The following KALRN variants were observed in gnomAD, a reference collection of about 807,000 sequenced individuals.
KALRN encodes kalirin.
Under a neutral mutation model 353.7 loss-of-function variants are expected in KALRN, and 70 were observed. The ratio of observed to expected loss-of-function variants is 0.20; its 90% CI spans 0.16 to 0.24. KALRN has a LOEUF of 0.24. Ranked by LOEUF, KALRN falls within the 10% of genes least tolerant of loss-of-function variation. The pLI is 1.00. For missense variants in KALRN, 2,791 were observed against 3,756.7 expected, an observed-to-expected ratio of 0.74 and a Z score of 6.72; for synonymous variants, 1,391 against 1,434.8, an observed-to-expected ratio of 0.97 and a Z score of 0.69.
At chr3:124,383,868 C>A (rs1415022874) in intron 10 of KALRN, among the ~76,000 whole-genome samples, 2 of 152,110 alleles carry the variant, frequency 1.3e-5, no homozygotes, top group Admixed American at 1.3e-4. Context: ...CTCATGAATC[C>A]ATTTCAATTC....
intron 45 of KALRN, among the ~76,000 whole-genome samples, chr3:124,664,229 T>C (rs553206047): frequency 2.4e-4 from 37 of 152,262 alleles, no homozygotes; most frequent in East Asian, 2.3e-3. Flanking sequence ...GGAGTCTAAC[T>C]GTGCTTCTCT....
intron 52 of KALRN, among the ~76,000 whole-genome samples, 185 bp from the exon 53 acceptor site, chr3:124,694,147 A>T (rs58913077): frequency 1.2e-3 from 186 of 152,262 alleles, no homozygotes; most frequent in African/African-American, 4.5e-3. Context: ...TTTTTTCTAT[A>T]ATAAACAGTT....
intron 34 of KALRN, among the ~76,000 whole-genome samples, chr3:124,579,943 C>T (rs1578123914): frequency 6.6e-6 from 1 of 152,278 alleles, no homozygotes; most frequent in Middle Eastern, 3.4e-3. Flanking sequence ...AAGATGTCAG[C>T]CACACCCAGA....
At chr3:124,423,164 T>C (rs2092859840) in intron 15 of KALRN, among the ~76,000 whole-genome samples, 186 bp downstream of exon 15, 1 of 152,218 alleles carries the variant, frequency 6.6e-6, no homozygotes, top group Non-Finnish European at 1.5e-5. Context: ...CGGTAACAAA[T>C]AGACCCAGTG....
chr3:124,228,075 G>A lies in KALRN; in HGVS notation c.148+11G>A. The A allele has an allele frequency of 6.2e-7, 1 of 1,607,608 alleles. No homozygotes were observed. The highest frequency in any genetic ancestry group is 8.5e-7 in the Non-Finnish European group (1 of 1,174,198). ...TGGCCTTCGTGTCTGGTGAGTATTT[G>A]TGGGACTTTCTTTTGTAAAGGACCT... On this transcript the variant is annotated intron_variant, in intron 2 of 59. Transcript: ENST00000682506.
At chr3:124,265,295 A>ATTTTTTTTTTTTTTTTTTTTTTTT (rs1465968614) in intron 4 of KALRN, among the ~76,000 whole-genome samples, 2 of 61,084 alleles carry the variant, frequency 3.3e-5, no homozygotes, top group Non-Finnish European at 3.5e-5. Context: ...TTAAGAAAAT[A>ATTTTTTTTTTTTTTTTTTTTTTTT]TTCTTTTTTT....
intron 21 of KALRN, among the ~76,000 whole-genome samples, chr3:124,450,629 C>T (rs1035721183): frequency 5.9e-5 from 9 of 151,410 alleles, no homozygotes; most frequent in African/African-American, 2.2e-4. Context: ...GTCATGTGAC[C>T]TCAGCTCACT....
chr3:124,696,028 TGA>T, intron 53 of KALRN, 104 bp from the exon 54 acceptor site: 6 of 1,169,170 alleles, frequency 5.1e-6, no homozygotes, highest in Non-Finnish European at 7.4e-6. Flanking sequence ...ACCTCGGGCC[TGA>T]GGACTCTCAG....
chr3:124,689,053 A>G (rs1003833389), intron 51 of KALRN, among the ~76,000 whole-genome samples: 3 of 152,226 alleles, frequency 2.0e-5, no homozygotes, highest in Non-Finnish European at 4.4e-5. Context: ...AACCAGCTTT[A>G]GGAACCTGTA....
chr3:124,327,602 C>CAT (rs2080058906), intron 7 of KALRN, among the ~76,000 whole-genome samples: 1 of 151,986 alleles, frequency 6.6e-6, no homozygotes, highest in African/African-American at 2.4e-5. Flanking sequence ...TATACACACA[C>CAT]ACATATATAT....
At chr3:124,068,087 C>A (rs971809567) in intron 1 of KALRN, among the ~76,000 whole-genome samples, 3 of 152,206 alleles carry the variant, frequency 2.0e-5, no homozygotes, top group Non-Finnish European at 2.9e-5. Flanking sequence ...TAGGCAGTGC[C>A]TCCTTTAACC....
intron 3 of KALRN, among the ~76,000 whole-genome samples, chr3:124,257,757 TAGC>T (rs972430780): frequency 2.0e-5 from 3 of 152,146 alleles, no homozygotes; most frequent in Non-Finnish European, 4.4e-5. Context: ...CCCTCTCAAG[TAGC>T]AGGTGTGGGA....
Position 124,160,476 on chromosome 3 carries a change from G to A in KALRN, c.74-67514G>A, listed in dbSNP as rs563894802. Reference sequence around the variant, plus strand: ...CTTTTGTGAAAAGTGGATGGGATGTGGGTTTGCTTTTATGTGAGTGAAAAG... The same window carrying A: ...CTTTTGTGAAAAGTGGATGGGATGTAGGTTTGCTTTTATGTGAGTGAAAAG... On this transcript the variant is annotated intron_variant, in intron 1 of 59. Coordinates refer to ENST00000682506, the MANE Select transcript of KALRN (RefSeq NM_001388419.1). Among the ~76,000 whole-genome samples, 6 of 152,278 alleles carry A rather than the reference G, an allele frequency of 3.9e-5. No homozygotes were observed. The South Asian group carries it at 8.3e-4, about 21-fold the overall frequency.
intron 45 of KALRN, among the ~76,000 whole-genome samples, chr3:124,664,568 G>A (rs541526649): frequency 1.5e-4 from 23 of 151,888 alleles, no homozygotes; most frequent in Non-Finnish European, 2.1e-4. Flanking sequence ...GCGCCACCAC[G>A]CCTGGCTAAT....
At chr3:124,371,565 C>T (rs1291653374) in intron 10 of KALRN, among the ~76,000 whole-genome samples, 4 of 152,050 alleles carry the variant, frequency 2.6e-5, no homozygotes, top group Non-Finnish European at 4.4e-5. Flanking sequence ...TCTTACACAC[C>T]TTTCTTCTTA....
At chr3:124,398,905 G>T in intron 13 of KALRN, 34 bp downstream of exon 13, 3 of 1,564,400 alleles carry the variant, frequency 1.9e-6, no homozygotes, top group South Asian at 1.2e-5. Flanking sequence ...GTGGAGAGGG[G>T]CCAAGAAGTG....
intron 10 of KALRN, among the ~76,000 whole-genome samples, chr3:124,374,618 C>T (rs1053782478): frequency 3.3e-5 from 5 of 152,138 alleles, no homozygotes; most frequent in Admixed American, 1.3e-4. Context: ...TCTTTTCCTC[C>T]GTTAGGAATG....
intron 9 of KALRN, among the ~76,000 whole-genome samples, chr3:124,344,455 C>T (rs901105412): frequency 6.6e-6 from 1 of 152,184 alleles, no homozygotes; most frequent in Non-Finnish European, 1.5e-5. Context: ...GGTCTAAACA[C>T]GTGTATCATG....
chr3:124,265,443 C>A (rs1185345691), intron 4 of KALRN, among the ~76,000 whole-genome samples: 1 of 151,244 alleles, frequency 6.6e-6, no homozygotes, highest in East Asian at 1.9e-4. Flanking sequence ...CAGGCACCTG[C>A]CACCATGCCT....
Sources: gnomAD v4.1 joint callset for allele counts (sites outside exome capture counted in the v4.1 genomes callset) on GRCh38, gnomAD v4.1.1 for gene constraint, MANE v1.5 for transcripts, NCBI Gene and HGNC (gene_info 2026-07-23, HGNC 2026-07-21) for gene names.